The following KLF17 variants were observed in gnomAD, a reference collection of about 807,000 sequenced individuals.
KLF17 encodes the protein KLF transcription factor 17.
Under a neutral mutation model 34.2 loss-of-function variants are expected in KLF17, and 31 were observed. The ratio of observed to expected loss-of-function variants is 0.91; its 90% confidence interval spans 0.68 to 1.22. The LOEUF (loss-of-function observed/expected upper bound fraction) is 1.22, where lower values mean the gene tolerates loss of function less well. Ranked by LOEUF, KLF17 falls within the 50% of genes most tolerant of loss-of-function variation. The pLI, the probability that KLF17 is intolerant of heterozygous loss-of-function variation, is 0.00. For synonymous variants in KLF17, 179 were observed against 186.7 expected (o/e 0.96, Z 0.34); for missense variants, 478 against 505.2 (o/e 0.95, Z 0.52).
the KLF17 span, among the ~76,000 whole-genome samples, chr1:44,101,116 C>G: frequency 6.6e-6 from 1 of 152,116 alleles, no homozygotes; most frequent in African/African-American, 2.4e-5. Flanking sequence ...AAGAATACTA[C>G]AAAGAATTCC....
the KLF17 span, among the ~76,000 whole-genome samples, chr1:44,072,633 G>T: frequency 6.6e-6 from 1 of 152,194 alleles, no homozygotes; most frequent in Admixed American, 6.5e-5. Flanking sequence ...GTTCCAGGCT[G>T]CAGAGAGCTA....
intron 1 of KLF17, among the ~76,000 whole-genome samples, chr1:44,119,361 A>G (rs1214451673): frequency 6.6e-6 from 1 of 151,534 alleles, no homozygotes; most frequent in African/African-American, 2.4e-5. Context: ...TTGAGTAGGC[A>G]GGACAGCAAA....
At chr1:44,125,266 A>AT (rs1434554484) in intron 1 of KLF17, among the ~76,000 whole-genome samples, 1 of 152,116 alleles carries the variant, frequency 6.6e-6, no homozygotes, top group African/African-American at 2.4e-5. Flanking sequence ...GGAATGTCTA[A>AT]TTTCTTCCTC....
the KLF17 span, among the ~76,000 whole-genome samples, chr1:44,094,525 A>G: frequency 6.6e-6 from 1 of 152,112 alleles, no homozygotes; most frequent in Non-Finnish European, 1.5e-5. Flanking sequence ...TTTGTGTATG[A>G]TGAGGGATAG....
At chr1:44,104,445 C>T in the KLF17 span, 3 of 817,734 alleles carry the variant, frequency 3.7e-6, no homozygotes, top group Non-Finnish European at 6.5e-6. Context: ...CCCCAGGAAC[C>T]GCACCTTGTC....
chr1:44,059,833 A>G, the KLF17 span, among the ~76,000 whole-genome samples: 1 of 151,994 alleles, frequency 6.6e-6, no homozygotes, highest in Admixed American at 6.6e-5. Flanking sequence ...CAATGAGGTA[A>G]ATGGGATTCC....
At chr1:44,127,634 C>CTTTTCTTTTCTTTCTTTCTTTCTTTCTT (rs11401670) in intron 1 of KLF17, among the ~76,000 whole-genome samples, 1 of 41,000 alleles carries the variant, frequency 2.4e-5, no homozygotes, top group Admixed American at 2.8e-4. Context: ...CTTTTCTTTT[C>CTTTTCTTTTCTTTCTTTCTTTCTTTCTT]TTTCCTTCTT....
rs774265767 is a variant in KLF17, at chr1:44,129,431, G to C, written c.160G>C (p.Gly54Arg). 3 of 1,586,274 alleles carry C rather than the reference G, an allele frequency of 1.9e-6. No individual in the cohort carries two copies. The African/African-American group carries it at 4.0e-5, about 21-fold the overall frequency. Residue 54 changes from glycine to arginine, a missense_variant, in exon 2 of 4, where the codon GGC (glycine) becomes CGC (arginine). By Grantham distance (125) the Gly-to-Arg change is moderately radical. Coordinates refer to ENST00000372299, the MANE Select transcript of KLF17 (RefSeq NM_173484.4). ...SSGVHTSWNQ[G>R]LPSIQHFPHS... ...TGGAGTGCACACCTCTTGGAACCAA[G>C]GCCTACCAAGCATTCAGCACTTTCC... is the stretch of plus-strand genomic sequence containing the variant.
the KLF17 span, among the ~76,000 whole-genome samples, chr1:44,111,697 T>C: frequency 6.6e-6 from 1 of 151,998 alleles, no homozygotes; most frequent in Non-Finnish European, 1.5e-5. Context: ...TTCGAGACTG[T>C]CCTGGCTTAC....
At chr1:44,069,083 G>C in the KLF17 span, among the ~76,000 whole-genome samples, 1 of 152,134 alleles carries the variant, frequency 6.6e-6, no homozygotes, top group Non-Finnish European at 1.5e-5. The surrounding 1 kb of genome is among the most constrained non-coding windows in gnomAD (Gnocchi z 4.7). Context: ...CTCATGTGGA[G>C]AGGTAAAAGT....
the KLF17 span, among the ~76,000 whole-genome samples, chr1:44,085,104 A>ATG: frequency 3.3e-5 from 5 of 151,192 alleles, no homozygotes; most frequent in Non-Finnish European, 5.9e-5. Context: ...GTATATATAT[A>ATG]TGTGTGTGTA....
chr1:44,044,906 C>G, the KLF17 span: 6 of 152,246 alleles, frequency 3.9e-5, no homozygotes. Context: ...CTCATTTCGG[C>G]TTCTACTTCA....
chr1:44,102,834 C>G, the KLF17 span, among the ~76,000 whole-genome samples: 1 of 145,814 alleles, frequency 6.9e-6, no homozygotes. Context: ...CCTATTTTTT[C>G]TGTGAACCTA....
At chr1:44,099,284 G>A in the KLF17 span, among the ~76,000 whole-genome samples, 1 of 151,676 alleles carries the variant, frequency 6.6e-6, no homozygotes, top group Non-Finnish European at 1.5e-5. Context: ...CACACCTGTG[G>A]TACCAGCTAC....
the KLF17 span, chr1:44,104,266 C>G: frequency 1.5e-6 from 2 of 1,352,024 alleles, no homozygotes; most frequent in African/African-American, 1.7e-5. Flanking sequence ...TCCACCAGCC[C>G]CTGCGTGTTG....
At chr1:44,122,456 C>A (rs1328942291) in intron 1 of KLF17, 1 of 1,235,306 alleles carries the variant, frequency 8.1e-7, no homozygotes, top group African/African-American at 1.5e-5. Context: ...TTCTGTTCTT[C>A]AATGCAATGG....
the KLF17 span, among the ~76,000 whole-genome samples, chr1:44,046,617 C>G: frequency 1.3e-5 from 2 of 152,008 alleles, no homozygotes; most frequent in Non-Finnish European, 1.5e-5. Flanking sequence ...ATATGTTCTT[C>G]ATTTTAACAG....
the KLF17 span, among the ~76,000 whole-genome samples, chr1:44,091,419 C>A: frequency 6.6e-6 from 1 of 151,722 alleles, no homozygotes; most frequent in Non-Finnish European, 1.5e-5. Context: ...ACTTTGAGAG[C>A]CTGATGCAGG....
chr1:44,085,338 T>C, the KLF17 span, among the ~76,000 whole-genome samples: 62 of 152,248 alleles, frequency 4.1e-4, no homozygotes, highest in Middle Eastern at 3.4e-3. Context: ...ATGTACATGG[T>C]AGACAGAAGA....
Sources: allele counts gnomAD v4.1 joint callset (sites outside exome capture counted in the v4.1 genomes callset), GRCh38; gene constraint gnomAD v4.1.1; non-coding constraint Gnocchi (gnomAD v3.1); transcripts MANE v1.5; gene names NCBI Gene and HGNC (gene_info 2026-07-23, HGNC 2026-07-21).